Variants in CFH observed in about 807,000 individuals in gnomAD.
The protein encoded by CFH is H factor 1 (complement).
A neutral mutation model predicts 147.3 loss-of-function variants in CFH; 53 were observed. That is an observed-to-expected ratio of 0.36 (90% CI 0.29 to 0.45). The LOEUF is 0.45. Among genes scored for constraint, CFH ranks in the 20% least tolerant of loss-of-function variants. The probability of loss-of-function intolerance (pLI) is 1.00; values close to 1 mark genes in which losing one functional copy is unlikely to be tolerated. For synonymous variants in CFH, 536 were observed against 489.4 expected (o/e 1.10, Z -1.26); for missense variants, 1,380 against 1,498.0 (o/e 0.92, Z 1.30).
intron 2 of CFH, chr1:196,673,494 G>A (rs369276074): frequency 4.0e-5 from 15 of 372,338 alleles, no homozygotes; most frequent in African/African-American, 1.3e-4. Flanking sequence ...GTGCCACCAC[G>A]CCCGGCTAAT....
chr1:196,724,521 A>C (rs1365134476), intron 11 of CFH, among the ~76,000 whole-genome samples: 1 of 151,492 alleles, frequency 6.6e-6, no homozygotes, highest in Non-Finnish European at 1.5e-5. Flanking sequence ...AGCCCAGAAG[A>C]CTCCTACCTA....
Position 196,685,052 on chromosome 1 carries a change from T to C in CFH, c.791-12T>C. The C allele has an allele frequency of 6.3e-7, 1 of 1,588,068 alleles. No homozygotes were observed. On this transcript the variant is annotated splice_polypyrimidine_tract_variant and intron_variant, in intron 6 of 21. Coordinates refer to ENST00000367429, the MANE Select transcript of CFH (RefSeq NM_000186.4). ...TATTTCTGCATTATCCATATATCCT[T>C]TTTCTTTTCAGAAAAATCATGTGAT...
At chr1:196,728,689 C>A (rs1031373663) in intron 15 of CFH, among the ~76,000 whole-genome samples, 167 bp downstream of exon 15, 2 of 151,610 alleles carry the variant, frequency 1.3e-5, no homozygotes, top group African/African-American at 4.8e-5. Flanking sequence ...TAACTGTGCC[C>A]TGTGAATTAG....
chr1:196,727,776 C>T (rs948475057), intron 14 of CFH, among the ~76,000 whole-genome samples: 1 of 152,062 alleles, frequency 6.6e-6, no homozygotes, highest in African/African-American at 2.4e-5. Context: ...GGCCACAGGC[C>T]CTCTACATCA....
chr1:196,688,636 A>G (rs965514978), intron 7 of CFH, among the ~76,000 whole-genome samples: 3 of 152,142 alleles, frequency 2.0e-5, no homozygotes, highest in African/African-American at 7.2e-5. Context: ...TTCGAGATGG[A>G]GTCTCACTCT....
chr1:196,744,679 T>A (rs934252827), intron 20 of CFH, among the ~76,000 whole-genome samples: 1 of 152,190 alleles, frequency 6.6e-6, no homozygotes, highest in South Asian at 2.1e-4. Flanking sequence ...TACATTGAGC[T>A]CCATATTAAA....
At chr1:196,684,354 T>C (rs1357775837) in intron 6 of CFH, among the ~76,000 whole-genome samples, 2 of 151,978 alleles carry the variant, frequency 1.3e-5, no homozygotes, top group Non-Finnish European at 1.5e-5. Context: ...TATTTTATCC[T>C]ATTATAGTAA....
At chr1:196,679,449 AT>A in intron 5 of CFH, 173 bp from the exon 6 acceptor site, 1 of 506,112 alleles carries the variant, frequency 2.0e-6, no homozygotes, top group Non-Finnish European at 3.5e-6. Context: ...TTTAATCAGA[AT>A]TTTAACTTTC....
chr1:196,724,955 G>T (rs937637791), intron 11 of CFH, among the ~76,000 whole-genome samples, 166 bp from the exon 12 acceptor site: 4 of 151,946 alleles, frequency 2.6e-5, no homozygotes, highest in African/African-American at 9.7e-5. Flanking sequence ...TTTCAATTTA[G>T]ACAGCATATA....
chr1:196,652,957 G>A (rs1666554410), intron 1 of CFH, among the ~76,000 whole-genome samples: 1 of 151,690 alleles, frequency 6.6e-6, no homozygotes, highest in African/African-American at 2.4e-5. Context: ...CCTAGTTTTT[G>A]ATAGGTAACC....
intron 20 of CFH, among the ~76,000 whole-genome samples, chr1:196,744,928 G>A (rs2878648): frequency 1.3e-5 from 2 of 151,964 alleles, no homozygotes; most frequent in Admixed American, 6.6e-5. Context: ...TGTCTGTATT[G>A]ATCCCCTTAC....
intron 9 of CFH, among the ~76,000 whole-genome samples, chr1:196,692,746 T>TTTTCTTTCTTTCTTTC (rs765086697): frequency 2.2e-4 from 9 of 41,766 alleles, no homozygotes; most frequent in South Asian, 2.3e-3. Context: ...CTTCCTTTCT[T>TTTTCTTTCTTTCTTTC]TTTCTTTCTT....
chr1:196,658,721 G>A (rs754906571), intron 1 of CFH, among the ~76,000 whole-genome samples: 7 of 151,764 alleles, frequency 4.6e-5, no homozygotes, highest in African/African-American at 9.7e-5. Flanking sequence ...CACCGCGCCC[G>A]GCCTGCTCAG....
chr1:196,676,506 T>G (rs1667460616), intron 4 of CFH, among the ~76,000 whole-genome samples: 2 of 152,110 alleles, frequency 1.3e-5, no homozygotes, highest in African/African-American at 4.8e-5. Context: ...TGGACTTACC[T>G]TTACTGAAAA....
chr1:196,687,850 A>AAT (rs1046046221), intron 7 of CFH, among the ~76,000 whole-genome samples: 1 of 152,082 alleles, frequency 6.6e-6, no homozygotes, highest in African/African-American at 2.4e-5. Flanking sequence ...TAGGGAAAAA[A>AAT]ATCTATCAAT....
intron 9 of CFH, among the ~76,000 whole-genome samples, chr1:196,703,896 ACGGCG>A: frequency 7.0e-6 from 1 of 142,604 alleles, no homozygotes; most frequent in East Asian, 2.4e-4. Flanking sequence ...AGGCAGAAGA[ACGGCG>A]TGAATCGGGG....
chr1:196,658,512 C>T lies in CFH; in HGVS notation c.58+6337C>T, dbSNP rs920024753. Among the ~76,000 whole-genome samples the T allele has an allele frequency of 5.4e-5, 8 of 149,220 alleles. No homozygotes were observed. In the East Asian group the frequency reaches 1.4e-3, roughly 26 times the overall value. ...CTGCAAGCTCCGCCTCCCGGGTTCA[C>T]GCCATTCTCCTGCCTCAGCCTCCCG... is the stretch of plus-strand genomic sequence containing the variant. On this transcript the variant is annotated intron_variant, in intron 1 of 21. Transcript: ENST00000367429.
At chr1:196,737,408 T>G in intron 16 of CFH, 67 bp from the exon 17 acceptor site, 1 of 1,110,858 alleles carries the variant, frequency 9.0e-7, no homozygotes, top group Non-Finnish European at 1.3e-6. Context: ...GAAATAGTAT[T>G]TAGTTTTATA....
Position 196,652,070 on chromosome 1 carries a change from G to T in CFH, c.-48G>T, listed in dbSNP as rs567326161. ...AATTCTTGGAAGAGGAGAACTGGAC[G>T]TTGTGAACAGAGTTAGCTGGTAAAT... On this transcript the variant is annotated 5_prime_UTR_variant, in exon 1 of 22. Transcript: ENST00000367429. 2.2e-5 allele frequency: 29 copies of T among 1,316,704 alleles called. No individual in the cohort carries two copies. The South Asian group carries it at 3.3e-4, about 15-fold the overall frequency. 81.6% of individuals were successfully genotyped at this position (1,316,704 alleles called of 1,614,324 possible).
Sources: allele counts gnomAD v4.1 joint callset (sites outside exome capture counted in the v4.1 genomes callset), GRCh38; gene constraint gnomAD v4.1.1; transcripts MANE v1.5; gene names NCBI Gene and HGNC (gene_info 2026-07-23, HGNC 2026-07-21).